Variants in VAV3 observed in about 807,000 individuals in gnomAD.
The protein encoded by VAV3 is vav guanine nucleotide exchange factor 3.
In VAV3, 94 loss-of-function variants were observed where a neutral mutation model predicts 131.2. The ratio of observed to expected loss-of-function variants is 0.72; its 90% CI spans 0.61 to 0.85. The LOEUF (loss-of-function observed/expected upper bound fraction) is 0.85, where lower values mean the gene tolerates loss of function less well. VAV3 is among the 40% of genes least tolerant of loss of function. The pLI, the probability that VAV3 is intolerant of heterozygous loss-of-function variation, is 0.00. For missense variants in VAV3, 939 were observed against 1,002.7 expected (o/e 0.94, Z 0.86); for synonymous variants, 349 against 342.0 (o/e 1.02, Z -0.22).
intron 19 of VAV3, among the ~76,000 whole-genome samples, chr1:107,665,019 C>A (rs1240295695): frequency 6.6e-6 from 1 of 152,094 alleles, no homozygotes; most frequent in Non-Finnish European, 1.5e-5. Flanking sequence ...TCCTGGGGGC[C>A]TTTTATAGTT....
intron 9 of VAV3, among the ~76,000 whole-genome samples, chr1:107,762,738 C>G (rs967558268): frequency 1.3e-5 from 2 of 152,178 alleles, no homozygotes; most frequent in African/African-American, 4.8e-5. Context: ...AGTTCCTTTA[C>G]ATTCTAAGTT....
chr1:107,854,793 T>G (rs1336390304), intron 2 of VAV3, among the ~76,000 whole-genome samples: 1 of 152,250 alleles, frequency 6.6e-6, no homozygotes, highest in South Asian at 2.1e-4. Context: ...TGAAAAAGGT[T>G]GAGAACTGCT....
At chr1:107,935,219 A>T (rs1673649862) in intron 1 of VAV3, among the ~76,000 whole-genome samples, 1 of 152,212 alleles carries the variant, frequency 6.6e-6, no homozygotes, top group Admixed American at 6.5e-5. Context: ...AGTTGCTTCT[A>T]ATTATTCCTT....
chr1:107,749,377 A>G (rs1663559023), intron 14 of VAV3, 85 bp downstream of exon 14: 7 of 1,391,912 alleles, frequency 5.0e-6, no homozygotes, highest in Admixed American at 2.6e-5. Flanking sequence ...TTGATAAGCC[A>G]TATCTCACAT....
At chr1:107,819,048 T>C (rs749457368) in intron 2 of VAV3, among the ~76,000 whole-genome samples, 19 of 152,186 alleles carry the variant, frequency 1.2e-4, no homozygotes, top group Non-Finnish European at 2.5e-4. Flanking sequence ...TCCCTGTTTT[T>C]AACTCAAGTT....
Position 107,950,452 on chromosome 1 carries a change from G to A in VAV3, c.204+14214C>T, listed in dbSNP as rs551018171. Among the ~76,000 whole-genome samples, 5 of 152,280 alleles carry A rather than the reference G, an allele frequency of 3.3e-5. No individual in the cohort carries two copies. In the South Asian group the frequency reaches 8.3e-4, roughly 25 times the overall value. ...CTTGCTGGTACTAAGCGAGAGTTAG[G>A]GATTCAGGGTGTCTGGGATTTGGAG... On this transcript the variant is annotated intron_variant, in intron 1 of 26. Coordinates refer to ENST00000370056, the MANE Select transcript of VAV3 (RefSeq NM_006113.5).
intron 2 of VAV3, among the ~76,000 whole-genome samples, chr1:107,826,450 AT>A (rs777387443): frequency 6.6e-6 from 1 of 151,590 alleles, no homozygotes; most frequent in Non-Finnish European, 1.5e-5. Context: ...AACAGCGATA[AT>A]AAGAATATGA....
At chr1:107,917,133 C>A (rs1672662257) in intron 1 of VAV3, among the ~76,000 whole-genome samples, 2 of 152,242 alleles carry the variant, frequency 1.3e-5, no homozygotes, top group African/African-American at 4.8e-5. Flanking sequence ...TAATCAAAAT[C>A]TACTGGTAGA....
chr1:107,795,639 T>G lies in VAV3; in HGVS notation c.322-16147A>C, dbSNP rs138585083. On this transcript the variant is annotated intron_variant, in intron 2 of 26. Transcript: ENST00000370056. ...CCCCAGAGAATACTTGATAACAACC[T>G]GAATCAAGAGGGAAAACCCCCTACA... Among the ~76,000 whole-genome samples, 34 of 152,338 alleles carry G rather than the reference T, an allele frequency of 2.2e-4. No homozygotes were observed. In the East Asian group the frequency reaches 4.8e-3, roughly 22 times the overall value.
intron 1 of VAV3, among the ~76,000 whole-genome samples, chr1:107,930,716 GA>G (rs368119135): frequency 1.3e-5 from 2 of 152,222 alleles, no homozygotes; most frequent in East Asian, 3.9e-4. Context: ...AAAAGTCAAT[GA>G]AAAACTTTAT....
chr1:107,852,961 T>G (rs1430490459), intron 2 of VAV3, among the ~76,000 whole-genome samples: 1 of 152,132 alleles, frequency 6.6e-6, no homozygotes, highest in African/African-American at 2.4e-5. Context: ...AAGAAAAGAT[T>G]TGCCTATCTA....
At chr1:107,960,279 G>C (rs1314065856) in intron 1 of VAV3, among the ~76,000 whole-genome samples, 1 of 152,016 alleles carries the variant, frequency 6.6e-6, no homozygotes, top group Non-Finnish European at 1.5e-5. Flanking sequence ...ACCACTCTAG[G>C]CAACATGGTG....
At chr1:107,733,467 C>A (rs1662388375) in intron 15 of VAV3, among the ~76,000 whole-genome samples, 2 of 152,296 alleles carry the variant, frequency 1.3e-5, no homozygotes, top group Middle Eastern at 3.4e-3. Flanking sequence ...TGTTCGAACT[C>A]ATCTCAACGA....
intron 15 of VAV3, among the ~76,000 whole-genome samples, chr1:107,742,652 C>T (rs536224793): frequency 4.6e-5 from 7 of 152,138 alleles, no homozygotes; most frequent in African/African-American, 7.2e-5. Flanking sequence ...CCCAGATCCA[C>T]GAGGCTTTCT....
intron 6 of VAV3, 138 bp downstream of exon 6, chr1:107,770,498 T>A: frequency 1.6e-6 from 1 of 644,394 alleles, no homozygotes; most frequent in East Asian, 2.9e-5. Context: ...AATGAATAAA[T>A]CTGCTTTGAG....
At chr1:107,585,290 C>A (rs138946199) in intron 25 of VAV3, among the ~76,000 whole-genome samples, 1 of 152,154 alleles carries the variant, frequency 6.6e-6, no homozygotes, top group African/African-American at 2.4e-5. Context: ...AGGCCACTAT[C>A]ATCTCTTACC....
chr1:107,669,433 G>A (rs1657626264), intron 19 of VAV3: 1 of 1,289,490 alleles, frequency 7.8e-7, no homozygotes, highest in African/African-American at 1.5e-5. Flanking sequence ...TCTAGTAGCA[G>A]GGGCCATGGA....
chr1:107,785,321 A>AT, intron 2 of VAV3: 2 of 878,370 alleles, frequency 2.3e-6, no homozygotes, highest in Non-Finnish European at 3.0e-6. Flanking sequence ...AAAGTTGCTA[A>AT]TTAATTATGG....
intron 20 of VAV3, among the ~76,000 whole-genome samples, chr1:107,620,418 C>A (rs1244267993): frequency 6.6e-6 from 1 of 152,120 alleles, no homozygotes; most frequent in Admixed American, 6.6e-5. Flanking sequence ...TAACTACCTA[C>A]AATATTCAGT....
Sources: gnomAD v4.1 joint callset for allele counts (sites outside exome capture counted in the v4.1 genomes callset) on GRCh38, gnomAD v4.1.1 for gene constraint, MANE v1.5 for transcripts, NCBI Gene and HGNC (gene_info 2026-07-23, HGNC 2026-07-21) for gene names.